The following IRAK1BP1 variants were observed in gnomAD, a reference collection of about 807,000 sequenced individuals.
The protein encoded by IRAK1BP1 is interleukin-1 receptor-associated kinase 1-binding protein 1.
In IRAK1BP1, 24 loss-of-function variants were observed where a neutral mutation model predicts 28.0. That is an observed-to-expected ratio of 0.86 (90% CI 0.62 to 1.20). The LOEUF (loss-of-function observed/expected upper bound fraction) is 1.20. Ranked by LOEUF, IRAK1BP1 falls within the 50% of genes most tolerant of loss-of-function variation. The pLI is 0.00. For missense variants in IRAK1BP1, 336 were observed against 316.7 expected (o/e 1.06, Z -0.46); for synonymous variants, 131 against 116.3 (o/e 1.13, Z -0.81).
At chr6:78,913,705 G>T (rs1772484368) in intron 4 of IRAK1BP1, among the ~76,000 whole-genome samples, 1 of 152,170 alleles carries the variant, frequency 6.6e-6, no homozygotes, top group Admixed American at 6.5e-5. Flanking sequence ...AGACTAAAAA[G>T]TGATGAGAGT....
In IRAK1BP1 at chr6:78,875,783, G is replaced by T. The variant is rs9448586; in HGVS notation, c.315+7892G>T. ...ACGTAGTGTTTCCTACTTGGGCAAC[G>T]GGATCAGTTGTACCCCACACCTCAG... On this transcript the variant is annotated intron_variant, in intron 1 of 3. Transcript: ENST00000369940. Among the ~76,000 whole-genome samples, 4 of 151,954 alleles carry T rather than the reference G, an allele frequency of 2.6e-5. No individual in the cohort carries two copies. The East Asian group carries it at 7.7e-4, about 29-fold the overall frequency.
At chr6:78,958,497 C>T in the IRAK1BP1 span, 5 of 1,541,956 alleles carry the variant, frequency 3.2e-6, no homozygotes, top group Non-Finnish European at 4.5e-6. Context: ...AGAAGAAGAT[C>T]AGTCACGAAT....
At chr6:78,951,707 T>G in the IRAK1BP1 span, among the ~76,000 whole-genome samples, 1 of 152,234 alleles carries the variant, frequency 6.6e-6, no homozygotes, top group Non-Finnish European at 1.5e-5. Context: ...GTTCTCATTA[T>G]TTTGAACATG....
chr6:78,897,465 G>A (rs56057971), intron 2 of IRAK1BP1, among the ~76,000 whole-genome samples: 73,346 of 151,740 alleles, frequency 0.48, 17,985 homozygotes, highest in East Asian at 0.69. Flanking sequence ...AGTATGGCAT[G>A]ATTACTACTA....
At chr6:78,936,823 G>A (rs537710091) in intron 4 of IRAK1BP1, 1 of 151,822 alleles carries the variant, frequency 6.6e-6, no homozygotes, top group South Asian at 2.1e-4. Flanking sequence ...AGCAAACTTT[G>A]CTCAGTATAA....
chr6:78,945,382 T>C (rs199510464), intron 4 of IRAK1BP1: 1 of 1,613,720 alleles, frequency 6.2e-7, no homozygotes, highest in Non-Finnish European at 8.5e-7. Flanking sequence ...TGACTGGCTT[T>C]TCCTTTTCCA....
intron 1 of IRAK1BP1, among the ~76,000 whole-genome samples, chr6:78,875,033 A>G (rs1581991392): frequency 6.6e-6 from 1 of 152,150 alleles, no homozygotes; most frequent in Non-Finnish European, 1.5e-5. Flanking sequence ...ATAAGGAATA[A>G]GCAGGAAAAA....
At chr6:78,883,739 A>T (rs1771313287) in intron 1 of IRAK1BP1, among the ~76,000 whole-genome samples, 1 of 152,158 alleles carries the variant, frequency 6.6e-6, no homozygotes, top group Non-Finnish European at 1.5e-5. Context: ...ATTAAATGTA[A>T]AATTCCAGAA....
the IRAK1BP1 span, among the ~76,000 whole-genome samples, chr6:78,977,954 A>G: frequency 6.6e-6 from 1 of 152,070 alleles, no homozygotes; most frequent in Non-Finnish European, 1.5e-5. Flanking sequence ...CAATTTATTT[A>G]TGGTCAATCT....
chr6:78,898,415 T>A lies in IRAK1BP1; in HGVS notation c.*81T>A, dbSNP rs1322487082. On this transcript the variant is annotated 3_prime_UTR_variant, in exon 4 of 4. Coordinates refer to ENST00000369940, the MANE Select transcript of IRAK1BP1 (RefSeq NM_001010844.4). ...ATAATGTTTACGTTTGTCCTGAATA[T>A]ATATATATATATATATATATATATA... is the stretch of plus-strand genomic sequence containing the variant. 8.1e-6 allele frequency: 1 copy of A among 123,962 alleles called. No individual in the cohort carries two copies. 7.7% of individuals were successfully genotyped at this position (123,962 alleles called of 1,614,324 possible).
the IRAK1BP1 span, chr6:78,965,810 A>T: frequency 9.0e-6 from 11 of 1,225,316 alleles, no homozygotes; most frequent in Middle Eastern, 4.4e-4. Flanking sequence ...AAATTATTGT[A>T]TCACAATTTT....
intron 2 of IRAK1BP1, among the ~76,000 whole-genome samples, chr6:78,893,312 GTGTATATATATATATATATA>G: frequency 1.6e-5 from 1 of 64,210 alleles, no homozygotes; most frequent in East Asian, 7.5e-4. Context: ...GTGTGTGTGT[GTGTATATATATATATATATA>G]TATATATATA....
the IRAK1BP1 span, among the ~76,000 whole-genome samples, chr6:78,952,616 G>A: frequency 6.6e-6 from 1 of 151,722 alleles, no homozygotes; most frequent in Admixed American, 6.6e-5. Flanking sequence ...TTATCATTCT[G>A]TGTGGGATTC....
the IRAK1BP1 span, chr6:78,966,002 C>T: frequency 1.2e-6 from 2 of 1,613,880 alleles, no homozygotes; most frequent in East Asian, 2.2e-5. Context: ...AGGTTCCTGG[C>T]TTTCGATTGT....
intron 4 of IRAK1BP1, among the ~76,000 whole-genome samples, chr6:78,930,971 A>AT (rs11430514): frequency 0.63 from 95,735 of 151,946 alleles, 30,476 homozygotes; most frequent in South Asian, 0.72. Flanking sequence ...AAATAAAAAA[A>AT]AATTAACCAG....
the IRAK1BP1 span, among the ~76,000 whole-genome samples, chr6:78,960,569 C>T: frequency 2.2e-4 from 34 of 151,806 alleles, no homozygotes; most frequent in African/African-American, 7.0e-4. Flanking sequence ...CTTATCTCTA[C>T]GCTTTTTGAC....
chr6:78,956,006 T>C, the IRAK1BP1 span: 1 of 171,342 alleles, frequency 5.8e-6, no homozygotes, highest in East Asian at 1.5e-4. Flanking sequence ...CTCTTTCTTT[T>C]ATTTTTAAAT....
At chr6:78,947,535 C>T, downstream of IRAK1BP1, 1 of 637,140 alleles carries the variant, frequency 1.6e-6, no homozygotes, top group South Asian at 2.5e-5. Context: ...TTAACTTTGA[C>T]CTAAATTTTA....
chr6:78,912,309 G>A (rs895283545), intron 4 of IRAK1BP1, among the ~76,000 whole-genome samples: 3 of 152,020 alleles, frequency 2.0e-5, no homozygotes, highest in Admixed American at 6.5e-5. Context: ...AAAGTGGAAG[G>A]GGTAGCAAAC....
Sources: allele counts gnomAD v4.1 joint callset (sites outside exome capture counted in the v4.1 genomes callset), GRCh38; gene constraint gnomAD v4.1.1; transcripts MANE v1.5; gene names NCBI Gene and HGNC (gene_info 2026-07-23, HGNC 2026-07-21).